Variants in FILIP1 observed in about 807,000 individuals in gnomAD.
FILIP1 encodes the protein filamin A interacting protein 1.
A neutral mutation model predicts 102.1 loss-of-function variants in FILIP1; 61 were observed. The observed-to-expected ratio is 0.60, with a 90% CI of 0.49 to 0.74. FILIP1 has a LOEUF of 0.74. FILIP1 is among the 30% of genes least tolerant of loss of function. FILIP1 has a pLI of 0.00. For synonymous variants in FILIP1, 491 were observed against 526.9 expected (o/e 0.93, Z 0.93); for missense variants, 1,314 against 1,441.2 (o/e 0.91, Z 1.43).
intron 6 of FILIP1, among the ~76,000 whole-genome samples, chr6:75,301,693 C>CT (rs1772842407): frequency 6.6e-6 from 1 of 152,130 alleles, no homozygotes; most frequent in Non-Finnish European, 1.5e-5. Context: ...TATTATGACT[C>CT]TAAGAGAGAA....
At chr6:75,361,872 C>G (rs917590381) in intron 3 of FILIP1, 1 of 152,162 alleles carries the variant, frequency 6.6e-6, no homozygotes, top group Non-Finnish European at 1.5e-5. Flanking sequence ...GAATAGAGCT[C>G]CAGTCTATTC....
intron 2 of FILIP1, chr6:75,397,878 G>A (rs1776521184): frequency 6.6e-6 from 1 of 152,068 alleles, no homozygotes; most frequent in Non-Finnish European, 1.5e-5. Context: ...TTTTTGAAGG[G>A]CAAAGGGACA....
At chr6:75,318,999 G>A (rs1179729156) in intron 4 of FILIP1, 5 of 636,872 alleles carry the variant, frequency 7.9e-6, no homozygotes, top group Non-Finnish European at 1.1e-5. Flanking sequence ...ATGCTTTATA[G>A]ACATGAAAAA....
chr6:75,324,941 T>G (rs1317356878), intron 4 of FILIP1, among the ~76,000 whole-genome samples: 2 of 152,192 alleles, frequency 1.3e-5, no homozygotes, highest in Non-Finnish European at 2.9e-5. Context: ...CAACTCAAGA[T>G]GGATCAAAGA....
chr6:75,412,614 C>T (rs1777117901), intron 2 of FILIP1, among the ~76,000 whole-genome samples: 1 of 152,162 alleles, frequency 6.6e-6, no homozygotes, highest in African/African-American at 2.4e-5. Context: ...TTAGCTACAA[C>T]ACCTCCCATA....
At chr6:75,452,337 C>T (rs1230371956) in intron 1 of FILIP1, among the ~76,000 whole-genome samples, 1 of 151,926 alleles carries the variant, frequency 6.6e-6, no homozygotes, top group Middle Eastern at 3.2e-3. Context: ...TAATTCCCAC[C>T]TATGAGTGAG....
chr6:75,299,696 A>G (rs1308317346), intron 6 of FILIP1, among the ~76,000 whole-genome samples: 1 of 152,094 alleles, frequency 6.6e-6, no homozygotes, highest in Admixed American at 6.5e-5. Context: ...CATTAAATGC[A>G]TTATTTGTTA....
At chr6:75,439,780 C>G (rs1482406766) in intron 1 of FILIP1, among the ~76,000 whole-genome samples, 1 of 152,212 alleles carries the variant, frequency 6.6e-6, no homozygotes, top group East Asian at 1.9e-4. Flanking sequence ...AGACCACAAA[C>G]TTAAACTAGT....
At chr6:75,319,662 C>G (rs1317020242) in intron 4 of FILIP1, 3 of 350,582 alleles carry the variant, frequency 8.6e-6, no homozygotes, top group African/African-American at 6.4e-5. Flanking sequence ...AACCCTGTCT[C>G]TACTAAAAAT....
At chr6:75,319,363 C>A in intron 4 of FILIP1, 1 of 628,986 alleles carries the variant, frequency 1.6e-6, no homozygotes, top group Non-Finnish European at 3.0e-6. Context: ...ATGAAAAAGG[C>A]CGAAGGAGAG....
At chr6:75,345,245 C>T (rs1055732711) in intron 4 of FILIP1, among the ~76,000 whole-genome samples, 3 of 151,964 alleles carry the variant, frequency 2.0e-5, no homozygotes, top group African/African-American at 7.3e-5. Flanking sequence ...ATTATCTCAT[C>T]CTTTTGTACA....
At chr6:75,442,170 G>A (rs2149722924) in intron 1 of FILIP1, among the ~76,000 whole-genome samples, 1 of 152,150 alleles carries the variant, frequency 6.6e-6, no homozygotes, top group East Asian at 1.9e-4. Context: ...GCCGGGCAGA[G>A]ACGCTCCTCA....
At chr6:75,420,028 T>C (rs570643713) in intron 1 of FILIP1, among the ~76,000 whole-genome samples, 1 of 152,268 alleles carries the variant, frequency 6.6e-6, no homozygotes, top group South Asian at 2.1e-4. Context: ...ACTTAAAGTA[T>C]TTTTTATCCT....
intron 2 of FILIP1, among the ~76,000 whole-genome samples, chr6:75,388,152 T>C (rs1776162075): frequency 6.6e-6 from 1 of 152,220 alleles, no homozygotes; most frequent in African/African-American, 2.4e-5. Context: ...CCTTTCCCCA[T>C]TGCTTGTTTT....
chr6:75,303,768 AG>A (rs1323582749), downstream of FILIP1, among the ~76,000 whole-genome samples: 6 of 152,014 alleles, frequency 3.9e-5, no homozygotes, highest in African/African-American at 1.5e-4. Context: ...AGAGAGAGAG[AG>A]AGAAAGAGAG....
rs1383909339 is a variant in FILIP1, at chr6:75,312,587, G to T, written c.3245C>A (p.Ser1082Ter). ...AATAACTGGACTGACTCCTTCACCT[G>T]AAGTCCCAGGGGACCGTTTAAACTG... ...GSQFKRSPGT[S>*]GEGVSPVITV... is the part of the protein sequence containing the mutation. Residue 1082 changes from serine to a stop codon, truncating the protein, a stop_gained, in exon 5 of 6, where the codon TCA (serine) becomes TAA (stop). Coordinates refer to ENST00000237172, the MANE Select transcript of FILIP1 (RefSeq NM_015687.5). LOFTEE classifies it high-confidence loss of function. The T allele has an allele frequency of 1.2e-6, 2 of 1,614,184 alleles. No individual in the cohort carries two copies. Among genetic ancestry groups the T allele is most frequent in the African/African-American group, 2.7e-5 (2 of 75,042 alleles).
chr6:75,461,816 G>A (rs1389634726), intron 1 of FILIP1, among the ~76,000 whole-genome samples: 1 of 152,226 alleles, frequency 6.6e-6, no homozygotes, highest in East Asian at 1.9e-4. Flanking sequence ...GCTTGAACAA[G>A]GGCGAAGTGT....
intron 2 of FILIP1, among the ~76,000 whole-genome samples, chr6:75,372,416 G>T (rs1775553728): frequency 2.9e-5 from 4 of 138,514 alleles, no homozygotes; most frequent in African/African-American, 1.1e-4. Flanking sequence ...GAATATTGAA[G>T]AACTCTTATG....
At chr6:75,444,527 A>G (rs1343664341) in intron 1 of FILIP1, among the ~76,000 whole-genome samples, 1 of 147,698 alleles carries the variant, frequency 6.8e-6, no homozygotes, top group Non-Finnish European at 1.5e-5. Flanking sequence ...AACTCATTTA[A>G]TAAAGTAGTA....
Sources: allele counts gnomAD v4.1 joint callset (sites outside exome capture counted in the v4.1 genomes callset), GRCh38; gene constraint gnomAD v4.1.1; transcripts MANE v1.5; gene names NCBI Gene and HGNC (gene_info 2026-07-23, HGNC 2026-07-21).